ZCCHC2: variants seen among roughly 807,000 people sequenced by gnomAD.
ZCCHC2 encodes the protein zinc finger CCHC-type containing 2.
Under a neutral mutation model 103.6 loss-of-function variants are expected in ZCCHC2, and 39 were observed. The ratio of observed to expected loss-of-function variants is 0.38; its 90% CI spans 0.29 to 0.49. ZCCHC2 has a LOEUF of 0.49. Ranked by LOEUF, ZCCHC2 falls within the 20% of genes least tolerant of loss-of-function variation. The pLI is 0.96. For missense variants in ZCCHC2, 1,483 were observed against 1,491.0 expected, an observed-to-expected ratio of 0.99 and a Z score of 0.09; for synonymous variants, 687 against 608.9, an observed-to-expected ratio of 1.13 and a Z score of -1.89.
intron 1 of ZCCHC2, among the ~76,000 whole-genome samples, chr18:62,536,426 CTT>C (rs564216458): frequency 1.4e-3 from 206 of 152,296 alleles, no homozygotes; most frequent in African/African-American, 4.7e-3. Context: ...TCCAACTAGT[CTT>C]TGTAAAATAC....
rs1598938044 is a variant in ZCCHC2 at position 62,541,955 on chromosome 18, T to G, written c.1052-543T>G. 2.0e-5 allele frequency among the ~76,000 whole-genome samples: 3 copies of G among 152,320 alleles called. No individual in the cohort carries two copies. The South Asian group carries it at 6.2e-4, about 32-fold the overall frequency. On this transcript the variant is annotated intron_variant, in intron 2 of 13. Coordinates refer to ENST00000269499, the MANE Select transcript of ZCCHC2 (RefSeq NM_017742.6). Reference sequence around the variant, plus strand: ...CGTTTATTATAATGTTCAGTTTATATTTATCATTATATGATATTGAGGGTT... The same window carrying G: ...CGTTTATTATAATGTTCAGTTTATAGTTATCATTATATGATATTGAGGGTT...
At chr18:62,565,209 C>G (rs1916306513) in intron 11 of ZCCHC2, 113 bp downstream of exon 11, 25 of 771,588 alleles carry the variant, frequency 3.2e-5, no homozygotes, top group Non-Finnish European at 5.2e-5. Flanking sequence ...TATAAGTTTA[C>G]CTTGTGTTGA....
chr18:62,530,589 AC>A (rs1487267396), intron 1 of ZCCHC2, among the ~76,000 whole-genome samples: 2 of 152,102 alleles, frequency 1.3e-5, no homozygotes, highest in Non-Finnish European at 1.5e-5. Flanking sequence ...CCCTGTGAAT[AC>A]ATTGATGTTC....
Position 62,578,446 on chromosome 18 carries a change from T to C in ZCCHC2, c.*1867T>C, listed in dbSNP as rs1484111490. The C allele has an allele frequency of 6.6e-6, 1 of 152,664 alleles. No individual in the cohort carries two copies. Among genetic ancestry groups the C allele is most frequent in the African/African-American group, 2.4e-5 (1 of 41,456 alleles). The allele number at this position is 152,664 out of a possible 1,614,324, so 9.5% of individuals were successfully genotyped here. A position where few individuals can be genotyped will look rare whatever the true frequency, so the allele number is the denominator to read the frequency against. On this transcript the variant is annotated 3_prime_UTR_variant, in exon 14 of 14. Coordinates refer to ENST00000269499, the MANE Select transcript of ZCCHC2 (RefSeq NM_017742.6). ...ACATAGGAGGTATGTTACCTTCTCC[T>C]TATTTGTATGTTTACCATATACTTT...
rs527590276 is a variant in ZCCHC2 at position 62,523,859 on chromosome 18, G to C, written c.435G>C (p.Leu145=). The stretch of plus-strand genomic sequence containing the variant: ...TGGCGCGCAAGGACTACCACTACCT[G>C]CGCGACTCGGAGGCCAAGGCCAACG... The part of the protein sequence containing the change: ...EDLARKDYHY[L]RDSEAKANGL... Residue 145 remains leucine (L), a synonymous_variant, in exon 1 of 14, where the codon CTG becomes CTC. Transcript: ENST00000269499. 2.6e-6 allele frequency: 4 copies of C among 1,544,524 alleles called. No homozygotes were observed. In the East Asian group the frequency reaches 9.8e-5, roughly 38 times the overall value.
downstream of ZCCHC2, among the ~76,000 whole-genome samples, chr18:62,583,211 CTAAGAT>C (rs1917081532): frequency 2.0e-5 from 3 of 152,092 alleles, no homozygotes; most frequent in South Asian, 6.2e-4. Context: ...CTTCATTAGA[CTAAGAT>C]TAGTTAATTT....
At chr18:62,585,263 G>A (rs1157943213) in exon 15 of ZCCHC2, 1 of 152,266 alleles carries the variant, frequency 6.6e-6, no homozygotes, top group Non-Finnish European at 1.5e-5. Flanking sequence ...CTTCACACAA[G>A]TTTTGCGCAC....
chr18:62,556,646 C>G (rs1176711019), intron 6 of ZCCHC2, among the ~76,000 whole-genome samples: 6 of 151,950 alleles, frequency 3.9e-5, no homozygotes, highest in Non-Finnish European at 7.4e-5. Context: ...GTCACCTGTT[C>G]CCAATTGACC....
intron 12 of ZCCHC2, among the ~76,000 whole-genome samples, chr18:62,570,993 C>A (rs992464335): frequency 6.6e-6 from 1 of 152,176 alleles, no homozygotes; most frequent in African/African-American, 2.4e-5. Flanking sequence ...ATGAGCAAAA[C>A]GTTTTAGGTT....
At chr18:62,553,901 A>G (rs1277180367) in intron 5 of ZCCHC2, among the ~76,000 whole-genome samples, 1 of 152,220 alleles carries the variant, frequency 6.6e-6, no homozygotes, top group East Asian at 1.9e-4. Flanking sequence ...CGATTACTTC[A>G]TGACCATAGA....
At position 62,575,170 on chromosome 18, in the gene ZCCHC2, A is replaced by G. The variant is rs747443533; in HGVS notation, c.3089A>G (p.Asn1030Ser). 2 of 1,614,026 alleles carry G rather than the reference A, an allele frequency of 1.2e-6. No individual in the cohort carries two copies. The highest frequency in any genetic ancestry group is 1.7e-5 in the Admixed American group (1 of 60,022). Residue 1030 changes from asparagine to serine, a missense_variant, in exon 13 of 14, where the codon AAT (asparagine) becomes AGT (serine). Around this residue, in one of 3 missense-constraint regions of ZCCHC2, gnomAD observed 884 missense variants for 907.5 expected, o/e 0.97. Coordinates refer to ENST00000269499, the MANE Select transcript of ZCCHC2 (RefSeq NM_017742.6). ...GGGACCAATGGAAACCTTCAGCTAA[A>G]TAGTTACTATTATCCTAATCCAATG... The part of the protein sequence containing the change: ...SCGTNGNLQL[N>S]SYYYPNPMPG...
At chr18:62,553,981 G>A (rs1361994902) in intron 5 of ZCCHC2, among the ~76,000 whole-genome samples, 1 of 152,170 alleles carries the variant, frequency 6.6e-6, no homozygotes, top group African/African-American at 2.4e-5. Flanking sequence ...TTTGTGTCAT[G>A]CCTAGAAAGA....
At chr18:62,559,979 TG>T (rs1598954153) in intron 7 of ZCCHC2, among the ~76,000 whole-genome samples, 1 of 152,390 alleles carries the variant, frequency 6.6e-6, no homozygotes, top group East Asian at 1.9e-4. Context: ...CAGGAGGATG[TG>T]CATAGATTAC....
At chr18:62,565,121 A>C in intron 11 of ZCCHC2, 25 bp downstream of exon 11, 1 of 1,510,536 alleles carries the variant, frequency 6.6e-7, no homozygotes, top group East Asian at 2.3e-5. Flanking sequence ...TTTCTTTCAA[A>C]TACCCATCAC....
At chr18:62,548,690 C>T (rs1417078060) in intron 4 of ZCCHC2, among the ~76,000 whole-genome samples, 2 of 148,220 alleles carry the variant, frequency 1.3e-5, no homozygotes, top group African/African-American at 5.0e-5. Context: ...TGGGAAGCCA[C>T]GGCCTGTGGA....
chr18:62,550,339 C>T lies in ZCCHC2; in HGVS notation c.1201-9C>T. The T allele has an allele frequency of 6.2e-7, 1 of 1,601,970 alleles. No homozygotes were observed. The highest frequency in any genetic ancestry group is 1.3e-5 in the African/African-American group (1 of 74,614). ...CTTAACATTGGATATTGTGGTTTTT[C>T]TTTTCTAGCTTCCAAAGGAACTGTC... On this transcript the variant is annotated splice_polypyrimidine_tract_variant and intron_variant, in intron 4 of 13. Coordinates refer to ENST00000269499, the MANE Select transcript of ZCCHC2 (RefSeq NM_017742.6).
chr18:62,528,776 A>G (rs549891220), intron 1 of ZCCHC2, among the ~76,000 whole-genome samples: 20 of 152,346 alleles, frequency 1.3e-4, no homozygotes, highest in African/African-American at 4.6e-4. Context: ...TGGATGTGGC[A>G]GCCAGAATCC....
chr18:62,556,500 T>G (rs940395618), intron 6 of ZCCHC2, among the ~76,000 whole-genome samples: 14 of 152,206 alleles, frequency 9.2e-5, no homozygotes, highest in African/African-American at 3.1e-4. Context: ...GCAGACTGAT[T>G]CCAAGGTAAG....
chr18:62,563,100 A>G lies in ZCCHC2; in HGVS notation c.1642A>G (p.Thr548Ala). 6.2e-7 allele frequency: 1 copy of G among 1,613,966 alleles called. No individual in the cohort carries two copies. Among genetic ancestry groups the G allele is most frequent in the Non-Finnish European group, 8.5e-7 (1 of 1,179,854 alleles). Residue 548 changes from threonine (T) to alanine (A), a missense_variant, in exon 9 of 14, where the codon ACC (threonine) becomes GCC (alanine). Thr to Ala is a moderately conservative substitution (Grantham distance 58). Transcript: ENST00000269499. ...TGTGGATTGGAGGAAGCAAAGCTGT[A>G]CCACCATTCAACACCCAGAGCACTG... ...GIVDWRKQSC[T>A]TIQHPEHCVT...
Sources: gnomAD v4.1 joint callset for allele counts (sites outside exome capture counted in the v4.1 genomes callset) on GRCh38, gnomAD v4.1.1 for gene constraint, gnomAD v4.1.1 regional missense constraint, MANE v1.5 for transcripts, NCBI Gene and HGNC (gene_info 2026-07-23, HGNC 2026-07-21) for gene names.